Variants in CSMD3 observed in about 807,000 individuals in gnomAD.
The protein encoded by CSMD3 is CUB and sushi domain-containing protein 3.
A neutral mutation model predicts 435.2 loss-of-function variants in CSMD3; 177 were observed. That is an observed-to-expected ratio of 0.41 (90% CI 0.36 to 0.46). The LOEUF is 0.46. Ranked by LOEUF, CSMD3 falls within the 20% of genes least tolerant of loss-of-function variation. The pLI, the probability that CSMD3 is intolerant of heterozygous loss-of-function variation, is 0.34. For missense variants in CSMD3, 4,265 were observed against 4,504.6 expected (o/e 0.95, Z 1.52); for synonymous variants, 1,656 against 1,520.5 (o/e 1.09, Z -2.07).
chr8:112,783,650 C>G (rs1324308049), intron 13 of CSMD3, among the ~76,000 whole-genome samples: 1 of 151,916 alleles, frequency 6.6e-6, no homozygotes, highest in Admixed American at 6.6e-5. Context: ...CATAGAGTGA[C>G]TAAATGGATT....
At chr8:113,035,827 G>GA (rs1282851974) in intron 5 of CSMD3, among the ~76,000 whole-genome samples, 1 of 151,862 alleles carries the variant, frequency 6.6e-6, no homozygotes, top group Non-Finnish European at 1.5e-5. Context: ...ATGGTTAGAG[G>GA]AAATAAACCT....
intron 70 of CSMD3, among the ~76,000 whole-genome samples, chr8:112,225,790 CAATT>C (rs1812501903): frequency 6.6e-6 from 1 of 152,146 alleles, no homozygotes; most frequent in African/African-American, 2.4e-5. Flanking sequence ...GGACTACTAA[CAATT>C]AGTTAACCAG....
chr8:113,019,201 C>CA (rs1352084559), intron 5 of CSMD3, 22 bp from the exon 6 acceptor site: 10 of 1,524,780 alleles, frequency 6.6e-6, no homozygotes, highest in Non-Finnish European at 9.1e-6. Flanking sequence ...AAGACAACAA[C>CA]AAAAAAATTT....
chr8:112,685,842 T>C (rs1311913729), intron 14 of CSMD3, 110 bp from the exon 15 acceptor site: 2 of 741,168 alleles, frequency 2.7e-6, no homozygotes, highest in African/African-American at 3.5e-5. Flanking sequence ...TAAGATAATA[T>C]TAAATTATGT....
At chr8:112,464,542 A>G (rs1327676277) in intron 32 of CSMD3, among the ~76,000 whole-genome samples, 2 of 152,158 alleles carry the variant, frequency 1.3e-5, no homozygotes, top group Non-Finnish European at 2.9e-5. Context: ...GAAGTTACAT[A>G]TAGTAACCCT....
intron 1 of CSMD3, 147 bp downstream of exon 1, chr8:113,436,530 G>A: frequency 3.7e-6 from 3 of 818,796 alleles, no homozygotes; most frequent in South Asian, 2.8e-5. Context: ...CCTATCTGAG[G>A]GGGGGAGAAC....
chr8:113,379,210 C>A (rs936507044), intron 1 of CSMD3, among the ~76,000 whole-genome samples: 1 of 151,700 alleles, frequency 6.6e-6, no homozygotes, highest in Admixed American at 6.6e-5. Flanking sequence ...GTAAACAAAC[C>A]ATGCTATTAT....
At chr8:112,372,580 T>G (rs908431847) in intron 38 of CSMD3, among the ~76,000 whole-genome samples, 1 of 152,124 alleles carries the variant, frequency 6.6e-6, no homozygotes, top group African/African-American at 2.4e-5. Context: ...GCGGGCGCGG[T>G]GGCTCATGCC....
chr8:113,304,724 T>C (rs1270445690), intron 2 of CSMD3, among the ~76,000 whole-genome samples: 7 of 124,652 alleles, frequency 5.6e-5, no homozygotes, highest in African/African-American at 1.9e-4. Context: ...TGAGATCACA[T>C]GGACACAGGA....
rs928083531 is a variant in CSMD3 at position 112,940,833 on chromosome 8, C to T, written c.1508+6957G>A. ...TCAACTGGTATCTATAAGCCATTTA[C>T]TAATACGATGAATTTGAGGTCCTGC... On this transcript the variant is annotated intron_variant, in intron 9 of 70. Coordinates refer to ENST00000297405, the MANE Select transcript of CSMD3 (RefSeq NM_198123.2). Among the ~76,000 whole-genome samples the T allele has an allele frequency of 3.3e-5, 5 of 151,818 alleles. No individual in the cohort carries two copies. In the South Asian group the frequency reaches 6.2e-4, roughly 19 times the overall value.
At chr8:113,081,903 C>A (rs2089580292) in intron 5 of CSMD3, among the ~76,000 whole-genome samples, 1 of 152,118 alleles carries the variant, frequency 6.6e-6, no homozygotes, top group Non-Finnish European at 1.5e-5. Flanking sequence ...CTCCCCAGAT[C>A]CTGAGAGCCA....
chr8:113,356,222 A>G (rs2094226543), intron 1 of CSMD3, among the ~76,000 whole-genome samples: 1 of 152,200 alleles, frequency 6.6e-6, no homozygotes, highest in Non-Finnish European at 1.5e-5. Context: ...GGAAACACAC[A>G]TGTTCTGCTC....
chr8:112,287,017 A>G, intron 58 of CSMD3, 47 bp downstream of exon 58: 1 of 1,476,024 alleles, frequency 6.8e-7, no homozygotes, highest in South Asian at 1.1e-5. Context: ...TTAGATACAC[A>G]CTAAAATCCA....
chr8:113,148,306 C>T (rs1333891081), intron 4 of CSMD3, among the ~76,000 whole-genome samples: 1 of 151,556 alleles, frequency 6.6e-6, no homozygotes, highest in Admixed American at 6.6e-5. Flanking sequence ...CAGCCTTTTG[C>T]CATGTCATCT....
rs73347967 is a variant in CSMD3, at chr8:112,988,430, A to T, written c.1031-12282T>A. Among the ~76,000 whole-genome samples, 1,257 of 152,130 alleles carry T rather than the reference A, an allele frequency of 8.3e-3. 30 individuals are homozygous for T. The highest frequency in any genetic ancestry group is 0.029 in the African/African-American group (1,190 of 41,512). ...ATTTAGTTTAAGGGTGAAGTTTGAT[A>T]CCTCTATGTTCTATTTTGTCTTTTA... is the stretch of plus-strand genomic sequence containing the variant. On this transcript the variant is annotated intron_variant, in intron 6 of 70. Transcript: ENST00000297405.
At chr8:112,656,106 A>G in intron 18 of CSMD3, 48 bp downstream of exon 18, 1 of 1,010,136 alleles carries the variant, frequency 9.9e-7, no homozygotes, top group South Asian at 1.3e-5. Flanking sequence ...TAATACAAAA[A>G]GTAGGGCAAA....
At chr8:112,313,412 C>G (rs1822166857) in intron 49 of CSMD3, among the ~76,000 whole-genome samples, 2 of 152,160 alleles carry the variant, frequency 1.3e-5, no homozygotes, top group South Asian at 4.2e-4. Context: ...AGATTTTGAC[C>G]TCTGTATGTT....
At chr8:113,069,815 C>T (rs2089025845) in intron 5 of CSMD3, among the ~76,000 whole-genome samples, 1 of 152,052 alleles carries the variant, frequency 6.6e-6, no homozygotes, top group South Asian at 2.1e-4. Context: ...TGAAAAGCCC[C>T]TTTATGACTG....
At chr8:112,591,375 C>T (rs549604374) in intron 22 of CSMD3, among the ~76,000 whole-genome samples, 1 of 152,134 alleles carries the variant, frequency 6.6e-6, no homozygotes. Flanking sequence ...AGCAGGGATA[C>T]CCAAAAACAG....
Sources: allele counts gnomAD v4.1 joint callset (sites outside exome capture counted in the v4.1 genomes callset), GRCh38; gene constraint gnomAD v4.1.1; transcripts MANE v1.5; gene names NCBI Gene and HGNC (gene_info 2026-07-23, HGNC 2026-07-21).